The following SUMF1 variants were observed in gnomAD, a reference collection of about 807,000 sequenced individuals.
The protein encoded by SUMF1 is formylglycine-generating enzyme.
Under a neutral mutation model 47.6 loss-of-function variants are expected in SUMF1, and 48 were observed. The observed-to-expected ratio is 1.01, with a 90% CI of 0.80 to 1.28. SUMF1 has a LOEUF of 1.28. Among genes scored for constraint, SUMF1 ranks in the 50% most tolerant of loss-of-function variants. SUMF1 has a pLI of 0.00. For missense variants in SUMF1, 571 were observed against 485.4 expected, an observed-to-expected ratio of 1.18 and a Z score of -1.66; for synonymous variants, 230 against 192.1, an observed-to-expected ratio of 1.20 and a Z score of -1.63.
intron 8 of SUMF1, among the ~76,000 whole-genome samples, chr3:4,325,467 A>G (rs1698922405): frequency 6.6e-6 from 1 of 152,160 alleles, no homozygotes; most frequent in Non-Finnish European, 1.5e-5. Context: ...AAACCAATTC[A>G]GCCTGTACTA....
At chr3:4,211,121 T>TATATATATATATATATATATATAC (rs150373609) in intron 8 of SUMF1, among the ~76,000 whole-genome samples, 9 of 128,306 alleles carry the variant, frequency 7.0e-5, no homozygotes, top group Non-Finnish European at 1.2e-4. Context: ...TATATATATA[T>TATATATATATATATATATATATAC]ACACACACAC....
chr3:4,272,545 C>CAGCAGACCTGGAAGCGGGAGG (rs1208175728), intron 8 of SUMF1, among the ~76,000 whole-genome samples: 9 of 152,172 alleles, frequency 5.9e-5, no homozygotes, highest in East Asian at 1.9e-4. Context: ...TATCAGGTAG[C>CAGCAGACCTGGAAGCGGGAGG]AGCAGACCTG....
chr3:4,167,455 A>C (rs1694734035), intron 8 of SUMF1, among the ~76,000 whole-genome samples: 1 of 152,092 alleles, frequency 6.6e-6, no homozygotes. Flanking sequence ...GGTCCATTTT[A>C]CAGGGTGCTG....
At chr3:4,139,568 A>G (rs1023352581) in intron 8 of SUMF1, among the ~76,000 whole-genome samples, 2 of 150,194 alleles carry the variant, frequency 1.3e-5, no homozygotes, top group East Asian at 1.9e-4. Context: ...ATATATATGC[A>G]TGTGTGTGTG....
At chr3:4,378,349 A>C (rs1700393062) in intron 7 of SUMF1, among the ~76,000 whole-genome samples, 1 of 152,194 alleles carries the variant, frequency 6.6e-6, no homozygotes, top group South Asian at 2.1e-4. Context: ...TTTCTACCAA[A>C]GGCATATCAC....
intron 8 of SUMF1, among the ~76,000 whole-genome samples, chr3:4,085,958 G>C (rs1186090442): frequency 1.3e-5 from 2 of 151,856 alleles, no homozygotes; most frequent in Non-Finnish European, 2.9e-5. Context: ...AGCATGAAAA[G>C]TGTATAAAAC....
At chr3:4,048,715 A>G (rs1306600554) in intron 9 of SUMF1, among the ~76,000 whole-genome samples, 2 of 152,174 alleles carry the variant, frequency 1.3e-5, no homozygotes, top group Admixed American at 6.6e-5. Context: ...CAAATACAGT[A>G]GTCATGGACC....
intron 7 of SUMF1, among the ~76,000 whole-genome samples, chr3:4,380,466 T>C (rs952069627): frequency 6.6e-6 from 1 of 152,150 alleles, no homozygotes; most frequent in African/African-American, 2.4e-5. Flanking sequence ...AAAAACTACA[T>C]ACTGAATATT....
At chr3:4,149,029 G>A (rs1005331518) in intron 8 of SUMF1, among the ~76,000 whole-genome samples, 1 of 152,114 alleles carries the variant, frequency 6.6e-6, no homozygotes, top group Non-Finnish European at 1.5e-5. Flanking sequence ...CCTGAAGTTA[G>A]AGGAGTGAAA....
intron 8 of SUMF1, among the ~76,000 whole-genome samples, chr3:4,233,873 T>A (rs1696353247): frequency 6.6e-6 from 1 of 152,156 alleles, no homozygotes; most frequent in African/African-American, 2.4e-5. Flanking sequence ...TTTGCACCGA[T>A]GCACCAATAA....
chr3:4,151,556 T>TGC (rs1352920897), intron 8 of SUMF1, among the ~76,000 whole-genome samples: 1 of 137,276 alleles, frequency 7.3e-6, no homozygotes, highest in Non-Finnish European at 1.5e-5. Context: ...TGTGTGTATA[T>TGC]ACACACACAC....
intron 8 of SUMF1, among the ~76,000 whole-genome samples, chr3:4,135,186 A>C (rs1321783867): frequency 6.6e-6 from 1 of 152,138 alleles, no homozygotes; most frequent in Non-Finnish European, 1.5e-5. Context: ...GAAAATTTAG[A>C]CCAATATCCT....
At chr3:4,193,099 T>C (rs1281014205) in intron 8 of SUMF1, among the ~76,000 whole-genome samples, 2 of 152,118 alleles carry the variant, frequency 1.3e-5, no homozygotes. Context: ...TGTCCAATAA[T>C]CATTTCTGCA....
chr3:4,182,840 A>G (rs952030508), intron 8 of SUMF1, among the ~76,000 whole-genome samples: 1 of 152,152 alleles, frequency 6.6e-6, no homozygotes, highest in African/African-American at 2.4e-5. Flanking sequence ...GACTCATCAC[A>G]ATAATCCTAG....
intron 8 of SUMF1, among the ~76,000 whole-genome samples, chr3:4,210,247 C>G (rs891366924): frequency 1.3e-5 from 2 of 152,040 alleles, no homozygotes; most frequent in African/African-American, 4.8e-5. Context: ...TCCATAAATT[C>G]AATGCAATCC....
chr3:4,452,756 C>A, intron 2 of SUMF1, 120 bp downstream of exon 2: 1 of 1,208,612 alleles, frequency 8.3e-7, no homozygotes, highest in Non-Finnish European at 1.2e-6. Context: ...CAATAAAATG[C>A]TTCACACAGT....
intron 4 of SUMF1, among the ~76,000 whole-genome samples, chr3:4,418,985 C>T (rs1368293319): frequency 6.6e-6 from 1 of 152,198 alleles, no homozygotes; most frequent in Non-Finnish European, 1.5e-5. Context: ...ACAGTAATTA[C>T]ACCAGGCCTT....
rs910458760 is a variant in SUMF1 at position 4,056,751 on chromosome 3, AT to A, written c.1191+11817del. 9.2e-5 allele frequency among the ~76,000 whole-genome samples: 14 copies of A among 151,542 alleles called. No homozygotes were observed. In the South Asian group the frequency reaches 1.5e-3, roughly 16 times the overall value. ...ATGTGATCCATAATTTTTTTTATTT[AT>A]TTTTTTTGAGATGGGGTCTTGCTCT... On this transcript the variant is annotated intron_variant and NMD_transcript_variant, in intron 9 of 12. Transcript: ENST00000448413.
At chr3:4,135,577 C>A (rs987562632) in intron 8 of SUMF1, among the ~76,000 whole-genome samples, 1 of 152,048 alleles carries the variant, frequency 6.6e-6, no homozygotes, top group African/African-American at 2.4e-5. Context: ...ACAGGGATGC[C>A]CTCTGTCACC....
Sources: gnomAD v4.1 joint callset for allele counts (sites outside exome capture counted in the v4.1 genomes callset) on GRCh38, gnomAD v4.1.1 for gene constraint, MANE v1.5 for transcripts, NCBI Gene and HGNC (gene_info 2026-07-23, HGNC 2026-07-21) for gene names.